Variants in CDRT4 observed in about 807,000 individuals in gnomAD.
The protein encoded by CDRT4 is CMT1A duplicated region transcript 4, also known as CMT1A duplicated region transcript 4 protein.
For synonymous variants in CDRT4, 64 were observed against 69.6 expected, an observed-to-expected ratio of 0.92 and a Z score of 0.40; for missense variants, 167 against 193.1, an observed-to-expected ratio of 0.87 and a Z score of 0.80.
At chr17:15,438,311 C>T (rs1185612287) in intron 3 of CDRT4, 111 bp from the exon 4 acceptor site, 1 of 970,594 alleles carries the variant, frequency 1.0e-6, no homozygotes, top group South Asian at 1.7e-5. Flanking sequence ...CCCTATTTTG[C>T]ACCCCTTGTA....
intron 1 of CDRT4, among the ~76,000 whole-genome samples, chr17:15,458,909 C>T (rs1430478500): frequency 6.6e-6 from 1 of 152,170 alleles, no homozygotes; most frequent in Non-Finnish European, 1.5e-5. Context: ...AGAAGCTCTG[C>T]AGGCTGGGCC....
chr17:15,445,004 C>T (rs995121494), intron 2 of CDRT4, among the ~76,000 whole-genome samples: 7 of 152,152 alleles, frequency 4.6e-5, no homozygotes, highest in Non-Finnish European at 8.8e-5. Context: ...CCTCTCTGGC[C>T]GCAAGCTGCA....
At chr17:15,461,593 C>T (rs1979751773) in intron 1 of CDRT4, among the ~76,000 whole-genome samples, 1 of 152,152 alleles carries the variant, frequency 6.6e-6, no homozygotes, top group Admixed American at 6.5e-5. Flanking sequence ...TGGAGTAAGA[C>T]CTGGAGTAAG....
intron 2 of CDRT4, among the ~76,000 whole-genome samples, chr17:15,446,581 G>A (rs1979038707): frequency 6.6e-6 from 1 of 152,080 alleles, no homozygotes; most frequent in South Asian, 2.1e-4. Flanking sequence ...ACACACAAAG[G>A]AGAGAAACAA....
chr17:15,465,138 AAC>A (rs761146750), intron 1 of CDRT4, among the ~76,000 whole-genome samples: 10 of 119,700 alleles, frequency 8.4e-5, no homozygotes, highest in Non-Finnish European at 1.3e-4. Context: ...CACAGATACA[AAC>A]ACAGACACAC....
At chr17:15,451,806 T>C (rs1001875086) in intron 2 of CDRT4, among the ~76,000 whole-genome samples, 1 of 152,246 alleles carries the variant, frequency 6.6e-6, no homozygotes, top group East Asian at 1.9e-4. Flanking sequence ...TCTCCTATTT[T>C]AATACTCTGT....
chr17:15,444,102 G>A (rs1399931399), intron 2 of CDRT4: 4 of 1,245,042 alleles, frequency 3.2e-6, no homozygotes, highest in Non-Finnish European at 4.6e-6. Flanking sequence ...GATTCAGCAA[G>A]CCACAACAGT....
intron 1 of CDRT4, among the ~76,000 whole-genome samples, chr17:15,465,928 C>T (rs114711959): frequency 0.013 from 1,979 of 152,190 alleles, 38 homozygotes; most frequent in African/African-American, 0.044. Context: ...CACCTGGGGG[C>T]AGATCCAGTT....
At chr17:15,447,650 A>T (rs916882835) in intron 2 of CDRT4, among the ~76,000 whole-genome samples, 1 of 152,234 alleles carries the variant, frequency 6.6e-6, no homozygotes, top group East Asian at 1.9e-4. Flanking sequence ...AGGAATATTC[A>T]ATTACAAATA....
chr17:15,448,675 C>G (rs1979134806), intron 2 of CDRT4, among the ~76,000 whole-genome samples: 1 of 152,188 alleles, frequency 6.6e-6, no homozygotes, highest in African/African-American at 2.4e-5. Context: ...GAGGCAGTCA[C>G]TTTCCTTCCC....
intron 1 of CDRT4, among the ~76,000 whole-genome samples, chr17:15,459,180 T>G (rs1349187987): frequency 6.6e-6 from 1 of 152,136 alleles, no homozygotes; most frequent in African/African-American, 2.4e-5. Flanking sequence ...GGCCACTGTT[T>G]CATGGTGATT....
chr17:15,460,194 T>C (rs575088643), intron 1 of CDRT4, among the ~76,000 whole-genome samples: 1 of 152,152 alleles, frequency 6.6e-6, no homozygotes, highest in Non-Finnish European at 1.5e-5. Context: ...TCCCACCACA[T>C]TCAAAACCTG....
chr17:15,451,549 C>T (rs868046447), intron 2 of CDRT4, among the ~76,000 whole-genome samples: 6 of 152,184 alleles, frequency 3.9e-5, no homozygotes, highest in African/African-American at 1.2e-4. Flanking sequence ...TGCCTCCCCA[C>T]AAGCCTTGGC....
At chr17:15,462,753 T>C (rs1206112834) in intron 1 of CDRT4, among the ~76,000 whole-genome samples, 1 of 152,124 alleles carries the variant, frequency 6.6e-6, no homozygotes, top group Non-Finnish European at 1.5e-5. Flanking sequence ...ATACATTTAG[T>C]GTAAAGCAAG....
At chr17:15,439,188 C>T in intron 3 of CDRT4, 1 of 455,762 alleles carries the variant, frequency 2.2e-6, no homozygotes, top group Non-Finnish European at 4.4e-6. Context: ...TTCCCTAATT[C>T]TATATTTCTT....
At position 15,438,179 on chromosome 17, in the gene CDRT4, AGTCCAGT is replaced by A. The variant is rs766587217; in HGVS notation, c.46_52del (p.Thr16PhefsTer23). 6.2e-6 allele frequency: 10 copies of A among 1,613,628 alleles called. No homozygotes were observed. In the South Asian group the frequency reaches 1.1e-4, roughly 18 times the overall value. On this transcript the variant is annotated frameshift_variant, in exon 4 of 4. Coordinates refer to ENST00000619038, the MANE Select transcript of CDRT4 (RefSeq NM_001204477.2). LOFTEE classifies it low-confidence loss of function (END_TRUNC). Reference sequence around the variant, plus strand: ...ATGTTTTTCAAGTAGCTTCCGGGGAAGTCCAGTGTTTTCTGTGAGTCCTACCAACAAA... The same window carrying A: ...ATGTTTTTCAAGTAGCTTCCGGGGAAGTTTTCTGTGAGTCCTACCAACAAA...
chr17:15,446,755 A>C (rs1055944228), intron 2 of CDRT4, among the ~76,000 whole-genome samples: 6 of 152,130 alleles, frequency 3.9e-5, no homozygotes, highest in African/African-American at 1.4e-4. Context: ...TCATCTTCTA[A>C]CACAGACTTG....
intron 1 of CDRT4, among the ~76,000 whole-genome samples, chr17:15,454,118 A>G (rs1228605843): frequency 6.6e-6 from 1 of 152,194 alleles, no homozygotes; most frequent in Non-Finnish European, 1.5e-5. Context: ...AAGGGACTGA[A>G]GTCATGGGAG....
At chr17:15,461,738 C>T (rs975687528) in intron 1 of CDRT4, among the ~76,000 whole-genome samples, 4 of 152,052 alleles carry the variant, frequency 2.6e-5, no homozygotes, top group Admixed American at 6.6e-5. Flanking sequence ...CAATGCTGTG[C>T]GCCATTTGCT....
Sources: allele counts gnomAD v4.1 joint callset (sites outside exome capture counted in the v4.1 genomes callset), GRCh38; gene constraint gnomAD v4.1.1; transcripts MANE v1.5; gene names NCBI Gene and HGNC (gene_info 2026-07-23, HGNC 2026-07-21).